CFAP46: variants seen among roughly 807,000 people sequenced by gnomAD.
The protein encoded by CFAP46 is cilia- and flagella-associated protein 46.
Under a neutral mutation model 325.7 loss-of-function variants are expected in CFAP46, and 245 were observed. The ratio of observed to expected loss-of-function variants is 0.75; its 90% CI spans 0.68 to 0.84. The LOEUF is 0.84. CFAP46 is among the 40% of genes least tolerant of loss of function. The pLI, the probability that CFAP46 is intolerant of heterozygous loss-of-function variation, is 0.00. For missense variants in CFAP46, 3,346 were observed against 3,543.0 expected (o/e 0.94, Z 1.41); for synonymous variants, 1,523 against 1,495.9 (o/e 1.02, Z -0.42).
intron 15 of CFAP46, 145 bp from the exon 16 acceptor site, chr10:132,918,665 G>A (rs1849674655): frequency 9.0e-7 from 1 of 1,111,136 alleles, no homozygotes; most frequent in Non-Finnish European, 1.2e-6. Context: ...GGCGGGAGGT[G>A]GGCAGCTTGC....
intron 22 of CFAP46, among the ~76,000 whole-genome samples, chr10:132,907,991 G>C (rs1849480753): frequency 6.6e-6 from 1 of 152,256 alleles, no homozygotes; most frequent in Non-Finnish European, 1.5e-5. Context: ...GTGGCCCTTT[G>C]TCCCAGCCTC....
chr10:132,902,543 A>G (rs1849405730), intron 22 of CFAP46, among the ~76,000 whole-genome samples: 1 of 152,162 alleles, frequency 6.6e-6, no homozygotes, highest in African/African-American at 2.4e-5. Context: ...AGTTATTTCC[A>G]TTGAAAATCT....
At chr10:132,894,568 G>A (rs1485984274) in intron 24 of CFAP46, among the ~76,000 whole-genome samples, 1 of 151,654 alleles carries the variant, frequency 6.6e-6, no homozygotes, top group African/African-American at 2.4e-5. Flanking sequence ...AAATTGACAA[G>A]CCTTTAGCTA....
chr10:132,826,778 C>T lies in CFAP46; in HGVS notation c.7117+6580G>A, dbSNP rs189084800. ...CACAGAGCCAGGCAGGAGCTGGATG[C>T]AGCATGTGCCCTCAGATGCCATTTG... On this transcript the variant is annotated intron_variant, in intron 50 of 57. Transcript: ENST00000368586. Among the ~76,000 whole-genome samples, 76 of 152,332 alleles carry T rather than the reference C, an allele frequency of 5.0e-4. No individual in the cohort carries two copies. The East Asian group carries it at 0.014, about 29-fold the overall frequency.
At position 132,869,321 on chromosome 10, in the gene CFAP46, A is replaced by AT; in HGVS notation, c.4562dup (p.His1521GlnfsTer2). On this transcript the variant is annotated frameshift_variant, in exon 33 of 58. Coordinates refer to ENST00000368586, the MANE Select transcript of CFAP46 (RefSeq NM_001200049.3). LOFTEE classifies it high-confidence loss of function. The surrounding 1 kb of genome is among the most constrained non-coding windows in gnomAD (Gnocchi z 6.2). Reference sequence around the variant, plus strand: ...CGCACACCTGCCCGACCGCCTCTTCATGGCGCGCGGCTGCTTCTCTCAGCT... The same window carrying AT: ...CGCACACCTGCCCGACCGCCTCTTCATTGGCGCGCGGCTGCTTCTCTCAGCT... 1 of 1,539,498 alleles carries AT rather than the reference A, an allele frequency of 6.5e-7. No individual in the cohort carries two copies. Among genetic ancestry groups the AT allele is most frequent in the Non-Finnish European group, 8.7e-7 (1 of 1,144,830 alleles).
chr10:132,812,630 G>A (rs1847602942), intron 55 of CFAP46, among the ~76,000 whole-genome samples, 155 bp downstream of exon 55: 1 of 151,950 alleles, frequency 6.6e-6, no homozygotes, highest in Non-Finnish European at 1.5e-5. Context: ...CCTGCAGACA[G>A]GAGGGGCCTG....
chr10:132,919,921 C>A lies in CFAP46; in HGVS notation c.1730+138G>T, dbSNP rs977625218. The A allele has an allele frequency of 6.4e-4, 776 of 1,203,244 alleles. 10 individuals are homozygous for A. Among genetic ancestry groups the A allele is most frequent in the Non-Finnish European group, 1.1e-4 (104 of 904,658 alleles). The allele number at this position is 1,203,244 out of a possible 1,614,324, so 74.5% of individuals were successfully genotyped here. On this transcript the variant is annotated intron_variant, in intron 14 of 57. Coordinates refer to ENST00000368586, the MANE Select transcript of CFAP46 (RefSeq NM_001200049.3). This position sits in a 1 kb window ranked among gnomAD's most constrained non-coding sequence, Gnocchi z 9.7. ...ACTCCCAGGCAGGGACCTCGTCCCA[C>A]CATCCTGGAGCAGGTGGCCTGGCGA...
intron 24 of CFAP46, among the ~76,000 whole-genome samples, chr10:132,897,399 T>C (rs1459218884): frequency 6.6e-6 from 1 of 152,262 alleles, no homozygotes; most frequent in Non-Finnish European, 1.5e-5. Context: ...TGAGGCTCTC[T>C]GGCATGAACC....
chr10:132,865,154 T>C (rs1848795156), intron 35 of CFAP46, among the ~76,000 whole-genome samples: 1 of 152,194 alleles, frequency 6.6e-6, no homozygotes, highest in African/African-American at 2.4e-5. Context: ...AAAGCAACTC[T>C]AAAATCTGGA....
chr10:132,818,950 C>T (rs1446115804), intron 50 of CFAP46, among the ~76,000 whole-genome samples: 2 of 150,956 alleles, frequency 1.3e-5, no homozygotes, highest in African/African-American at 4.9e-5. Flanking sequence ...CTTATATATA[C>T]AAGACCTCAA....
chr10:132,811,182 T>C (rs2134747320), intron 55 of CFAP46, 151 bp from the exon 56 acceptor site: 1 of 693,632 alleles, frequency 1.4e-6, no homozygotes, highest in South Asian at 1.8e-5. Context: ...GACCGTCAGG[T>C]TTTTTCCAGG....
At chr10:132,837,068 T>G (rs1848263647) in intron 44 of CFAP46, 154 bp from the exon 45 acceptor site, 2 of 596,964 alleles carry the variant, frequency 3.4e-6, no homozygotes, top group South Asian at 4.1e-5. Flanking sequence ...TGGGGGGCCC[T>G]GCTGGAAGTG....
intron 15 of CFAP46, 24 bp from the exon 16 acceptor site, chr10:132,918,544 G>C (rs1237384956): frequency 1.3e-6 from 2 of 1,500,272 alleles, no homozygotes; most frequent in Non-Finnish European, 1.8e-6. Context: ...CAGCAGGTAA[G>C]GATCATGTTT....
chr10:132,930,891 C>T (rs1849887869), intron 8 of CFAP46, among the ~76,000 whole-genome samples: 1 of 114,626 alleles, frequency 8.7e-6, no homozygotes, highest in South Asian at 3.6e-4. Flanking sequence ...AGAGCCTGGG[C>T]CTTCCCCACA....
At chr10:132,822,542 CGTGTGCTGTGTGTGCGCTGAT>C (rs1281863059) in intron 50 of CFAP46, among the ~76,000 whole-genome samples, 1 of 72,894 alleles carries the variant, frequency 1.4e-5, no homozygotes, top group African/African-American at 5.5e-5. Context: ...TGTGTGCTGA[CGTGTGCTGTGTGTGCGCTGAT>C]GTGTGCTGTG....
In CFAP46 at chr10:132,942,455, G is replaced by A; in HGVS notation, c.30C>T (p.Ala10=). Residue 10 remains alanine, a synonymous_variant, in exon 1 of 58, where the codon GCC becomes GCT. Transcript: ENST00000368586. ...GGTCACCTTGCTGGCTCTCGGCGCG[G>A]GCCAGCTCCTGCGTGATGACCAGGT... MDLVITQEL[A]RAESQQDAAS... 4 of 1,338,018 alleles carry A rather than the reference G, an allele frequency of 3.0e-6. No homozygotes were observed. The highest frequency in any genetic ancestry group is 3.8e-6 in the Non-Finnish European group (4 of 1,050,004). The allele number at this position is 1,338,018 out of a possible 1,614,324, so 82.9% of individuals were successfully genotyped here.
intron 4 of CFAP46, among the ~76,000 whole-genome samples, chr10:132,940,258 T>C (rs896536519): frequency 1.3e-5 from 2 of 152,114 alleles, no homozygotes; most frequent in African/African-American, 4.8e-5. Flanking sequence ...TCTATTTAAA[T>C]ATCCTCCAAA....
At chr10:132,891,168 G>A (rs1428170857) in intron 25 of CFAP46, among the ~76,000 whole-genome samples, 1 of 152,190 alleles carries the variant, frequency 6.6e-6, no homozygotes, top group African/African-American at 2.4e-5. Context: ...ACGACCAGGG[G>A]GACAGTGCCC....
At chr10:132,921,127 G>T (rs1849716721) in intron 13 of CFAP46, among the ~76,000 whole-genome samples, 1 of 152,126 alleles carries the variant, frequency 6.6e-6, no homozygotes. Context: ...CCCGAGACAT[G>T]ACCCAGCAGC....
Sources: gnomAD v4.1 joint callset for allele counts (sites outside exome capture counted in the v4.1 genomes callset) on GRCh38, gnomAD v4.1.1 for gene constraint, Gnocchi (gnomAD v3.1) non-coding constraint, MANE v1.5 for transcripts, NCBI Gene and HGNC (gene_info 2026-07-23, HGNC 2026-07-21) for gene names.